The following COL4A2 variants were observed in gnomAD, a reference collection of about 807,000 sequenced individuals.
COL4A2 encodes the protein collagen type IV alpha 2 chain.
In COL4A2, 99 loss-of-function variants were observed where a neutral mutation model predicts 200.2. The observed-to-expected ratio is 0.49, with a 90% CI of 0.42 to 0.58. The LOEUF is 0.58. Among genes scored for constraint, COL4A2 ranks in the 20% least tolerant of loss-of-function variants. COL4A2 has a pLI of 0.00. For synonymous variants in COL4A2, 897 were observed against 900.6 expected (o/e 1.00, Z 0.07); for missense variants, 1,950 against 2,314.1 (o/e 0.84, Z 3.23).
At chr13:110,466,153 ATAT>A in intron 26 of COL4A2, 91 bp downstream of exon 26, 1 of 1,438,144 alleles carries the variant, frequency 7.0e-7, no homozygotes, top group Non-Finnish European at 9.5e-7. Context: ...GGGATAAGAA[ATAT>A]TAATAATATG....
intron 4 of COL4A2, among the ~76,000 whole-genome samples, chr13:110,371,527 A>C (rs1384902708): frequency 6.6e-6 from 1 of 152,206 alleles, no homozygotes; most frequent in Non-Finnish European, 1.5e-5. Context: ...ATCTTATCTG[A>C]GAACTTAAAA....
intron 20 of COL4A2, among the ~76,000 whole-genome samples, chr13:110,451,199 C>A (rs915712820): frequency 2.2e-4 from 34 of 152,176 alleles, no homozygotes; most frequent in African/African-American, 7.7e-4. Context: ...TGCAGTCCCG[C>A]CTGGAGCTTG....
At chr13:110,506,660 G>T in intron 46 of COL4A2, 54 bp downstream of exon 46, 1 of 1,509,006 alleles carries the variant, frequency 6.6e-7, no homozygotes, top group Non-Finnish European at 8.9e-7. Context: ...CCCGGAAGTG[G>T]CCAAGATCAA....
chr13:110,446,796 A>G lies in COL4A2; in HGVS notation c.1012-2A>G, dbSNP rs1436572271. On this transcript the variant is annotated splice_acceptor_variant, in intron 17 of 47. Coordinates refer to ENST00000360467, the MANE Select transcript of COL4A2 (RefSeq NM_001846.4). LOFTEE classifies it high-confidence loss of function. ...TCCTGTTTTTCTCTTTTCTTTCTCT[A>G]GGGAGAAGCCGGAGACCCAGGGCCC... The G allele has an allele frequency of 1.2e-6, 2 of 1,611,100 alleles. No homozygotes were observed. Among genetic ancestry groups the G allele is most frequent in the Non-Finnish European group, 1.7e-6 (2 of 1,177,612 alleles).
intron 36 of COL4A2, 128 bp from the exon 37 acceptor site, chr13:110,491,105 C>T (rs1288843015): frequency 8.7e-6 from 6 of 691,098 alleles, no homozygotes; most frequent in East Asian, 2.7e-5. Context: ...GGAAGGAGCA[C>T]GGTTGGATGC....
At chr13:110,331,225 A>AT (rs1875898023) in intron 3 of COL4A2, among the ~76,000 whole-genome samples, 1 of 152,216 alleles carries the variant, frequency 6.6e-6, no homozygotes, top group African/African-American at 2.4e-5. Context: ...AGAAAGTCAT[A>AT]TATTACAGTT....
chr13:110,441,083 G>A lies in COL4A2; in HGVS notation c.957+1250G>A, dbSNP rs558655794. 1.6e-4 allele frequency among the ~76,000 whole-genome samples: 24 copies of A among 152,274 alleles called. No homozygotes were observed. The South Asian group carries it at 4.4e-3, about 28-fold the overall frequency. ...TCACCTCGGTGGTACACAGGGCTTG[G>A]CTGCCTGCCCATGGGCTAGTATGTC... On this transcript the variant is annotated intron_variant, in intron 16 of 47. Coordinates refer to ENST00000360467, the MANE Select transcript of COL4A2 (RefSeq NM_001846.4).
chr13:110,358,718 T>C (rs1434062565), intron 4 of COL4A2, among the ~76,000 whole-genome samples: 2 of 152,226 alleles, frequency 1.3e-5, no homozygotes, highest in South Asian at 2.1e-4. Context: ...GGTGCCTGAT[T>C]GTACTTCCAT....
At chr13:110,389,865 CAA>C (rs5806852) in intron 4 of COL4A2, among the ~76,000 whole-genome samples, 1 of 148,300 alleles carries the variant, frequency 6.7e-6, no homozygotes, top group Non-Finnish European at 1.5e-5. Context: ...CTTTCTAAAG[CAA>C]AAAAAAAAAA....
At chr13:110,403,114 T>TA (rs2139432350) in intron 4 of COL4A2, among the ~76,000 whole-genome samples, 1 of 152,278 alleles carries the variant, frequency 6.6e-6, no homozygotes, top group East Asian at 1.9e-4. Flanking sequence ...GTTGTCTTGA[T>TA]TAGCAGCATC....
chr13:110,357,128 T>C (rs1321091937), intron 3 of COL4A2, among the ~76,000 whole-genome samples: 1 of 152,050 alleles, frequency 6.6e-6, no homozygotes, highest in African/African-American at 2.4e-5. Context: ...AACCCTGGTC[T>C]CAACTGTGGA....
At chr13:110,450,499 A>G (rs1881499237) in intron 20 of COL4A2, 45 bp downstream of exon 20, 1 of 1,603,908 alleles carries the variant, frequency 6.2e-7, no homozygotes, top group African/African-American at 1.3e-5. Flanking sequence ...TAATGTTCAG[A>G]TGAAGCCCGG....
intron 8 of COL4A2, 121 bp downstream of exon 8, chr13:110,430,077 T>C: frequency 2.0e-6 from 2 of 1,007,138 alleles, no homozygotes; most frequent in Non-Finnish European, 1.4e-6. Flanking sequence ...ATGCCTAGAA[T>C]GGCGGCATAA....
intron 15 of COL4A2, 119 bp downstream of exon 15, chr13:110,438,787 C>A: frequency 8.9e-7 from 1 of 1,127,048 alleles, no homozygotes; most frequent in African/African-American, 1.7e-5. Flanking sequence ...TAGAGATTTC[C>A]CGTTATTACT....
chr13:110,366,587 T>C (rs1877763511), intron 4 of COL4A2, among the ~76,000 whole-genome samples: 1 of 152,208 alleles, frequency 6.6e-6, no homozygotes, highest in African/African-American at 2.4e-5. Context: ...AGCAACCGTA[T>C]GCACATTTTC....
chr13:110,346,397 A>G (rs112258606), intron 3 of COL4A2, among the ~76,000 whole-genome samples: 85 of 152,306 alleles, frequency 5.6e-4, no homozygotes, highest in African/African-American at 1.9e-3. Context: ...ACCATAGACA[A>G]TATAAGGAGC....
At chr13:110,339,876 A>G (rs1331197751) in intron 3 of COL4A2, among the ~76,000 whole-genome samples, 5 of 152,350 alleles carry the variant, frequency 3.3e-5, no homozygotes, top group East Asian at 1.9e-4. Context: ...AAATGGAACA[A>G]TGGCACTCCA....
intron 32 of COL4A2, among the ~76,000 whole-genome samples, chr13:110,482,908 C>T (rs1186299428): frequency 6.6e-6 from 1 of 152,156 alleles, no homozygotes; most frequent in Non-Finnish European, 1.5e-5. Flanking sequence ...ATGATGGCAT[C>T]GCTAAGAACC....
chr13:110,462,490 G>GTCCTA, intron 24 of COL4A2, 106 bp downstream of exon 24: 1 of 1,053,426 alleles, frequency 9.5e-7, no homozygotes, highest in Non-Finnish European at 1.4e-6. Context: ...AAACCAACCT[G>GTCCTA]TGCATAGGAC....
Sources: allele counts gnomAD v4.1 joint callset (sites outside exome capture counted in the v4.1 genomes callset), GRCh38; gene constraint gnomAD v4.1.1; transcripts MANE v1.5; gene names NCBI Gene and HGNC (gene_info 2026-07-23, HGNC 2026-07-21).